MUSK: variants seen among roughly 807,000 people sequenced by gnomAD.
MUSK encodes muscle, skeletal receptor tyrosine-protein kinase.
MUSK carries 55 observed loss-of-function variants against 88.7 expected under a neutral mutation model. The ratio of observed to expected loss-of-function variants is 0.62; its 90% CI spans 0.50 to 0.78. The LOEUF is 0.78. Among genes scored for constraint, MUSK ranks in the 30% least tolerant of loss-of-function variants. The pLI is 0.00. For synonymous variants in MUSK, 387 were observed against 391.9 expected (o/e 0.99, Z 0.15); for missense variants, 1,015 against 1,074.3 (o/e 0.94, Z 0.77).
rs1051362388 is a variant in MUSK, at chr9:110,768,105, A to G, written c.1184+22A>G. The stretch of plus-strand genomic sequence containing the variant: ...GCAGGTAAAATCTCAAAAATAAGTC[A>G]AAGGAAAAATTCCATTTTTCTATCT... On this transcript the variant is annotated intron_variant, in intron 9 of 14. Coordinates refer to ENST00000374448, the MANE Select transcript of MUSK (RefSeq NM_005592.4). The G allele has an allele frequency of 4.4e-6, 7 of 1,576,204 alleles. No homozygotes were observed. The Admixed American group carries it at 7.5e-5, about 17-fold the overall frequency.
intron 5 of MUSK, among the ~76,000 whole-genome samples, chr9:110,708,090 T>TCCTA (rs1172486447): frequency 2.2e-5 from 3 of 135,736 alleles, no homozygotes; most frequent in Non-Finnish European, 3.2e-5. Flanking sequence ...AATAAATAAT[T>TCCTA]CCTATCTATC....
At chr9:110,705,569 T>C (rs2076588413) in intron 5 of MUSK, among the ~76,000 whole-genome samples, 1 of 152,216 alleles carries the variant, frequency 6.6e-6, no homozygotes, top group East Asian at 1.9e-4. Context: ...GTTTGCAGGA[T>C]CCAGCACAAA....
At chr9:110,678,534 C>A (rs1045536770) in intron 1 of MUSK, among the ~76,000 whole-genome samples, 1 of 151,976 alleles carries the variant, frequency 6.6e-6, no homozygotes, top group Non-Finnish European at 1.5e-5. Flanking sequence ...ATATTTTTTT[C>A]AGAAGTGTTC....
chr9:110,797,161 C>A (rs1388421579), intron 14 of MUSK, among the ~76,000 whole-genome samples: 6 of 42,508 alleles, frequency 1.4e-4, no homozygotes, highest in African/African-American at 3.3e-4. Flanking sequence ...GCATGAATAC[C>A]CAAAAAAAAA....
At chr9:110,688,284 C>T (rs943120116) in intron 3 of MUSK, among the ~76,000 whole-genome samples, 9 of 151,994 alleles carry the variant, frequency 5.9e-5, no homozygotes, top group African/African-American at 2.2e-4. Context: ...ATTTTAACAG[C>T]CATGAAATAG....
At chr9:110,790,205 G>T (rs2077949536) in intron 14 of MUSK, among the ~76,000 whole-genome samples, 1 of 152,206 alleles carries the variant, frequency 6.6e-6, no homozygotes, top group African/African-American at 2.4e-5. Context: ...AAGTGACCTT[G>T]AATTTGTAAA....
At chr9:110,675,162 G>A (rs1177101919) in intron 1 of MUSK, among the ~76,000 whole-genome samples, 1 of 151,094 alleles carries the variant, frequency 6.6e-6, no homozygotes, top group Non-Finnish European at 1.5e-5. Flanking sequence ...GACTTGCAGA[G>A]TCGGTAAGTG....
At position 110,754,325 on chromosome 9, in the gene MUSK, A is replaced by C. The variant is rs375140894; in HGVS notation, c.913+6525A>C. ...CCAATGTTTTTGCTGACTTCTAGAT[A>C]ATTTTAAAGATACTATAATATTGGT... On this transcript the variant is annotated intron_variant, in intron 7 of 14. Transcript: ENST00000374448. Among the ~76,000 whole-genome samples, 4 of 152,230 alleles carry C rather than the reference A, an allele frequency of 2.6e-5. No individual in the cohort carries two copies. In the East Asian group the frequency reaches 5.8e-4, roughly 22 times the overall value.
intron 5 of MUSK, among the ~76,000 whole-genome samples, chr9:110,729,326 T>TAAAAA (rs34882321): frequency 5.1e-5 from 5 of 97,406 alleles, no homozygotes; most frequent in Non-Finnish European, 6.3e-5. Context: ...CTGTTTTCTG[T>TAAAAA]AAAAAAAAAA....
At chr9:110,690,558 AAG>A (rs1216744575) in intron 3 of MUSK, among the ~76,000 whole-genome samples, 2 of 89,518 alleles carry the variant, frequency 2.2e-5, no homozygotes, top group Non-Finnish European at 3.8e-5. Context: ...ATTTAAATAT[AAG>A]TATATATATA....
intron 7 of MUSK, among the ~76,000 whole-genome samples, chr9:110,759,549 G>A (rs1310282403): frequency 6.6e-6 from 1 of 152,110 alleles, no homozygotes; most frequent in Non-Finnish European, 1.5e-5. Context: ...TTACAGAGTG[G>A]AGAAAATATT....
rs540918627 is a variant in MUSK at position 110,691,856 on chromosome 9, G to T, written c.359-3547G>T. Among the ~76,000 whole-genome samples the T allele has an allele frequency of 5.3e-5, 8 of 152,172 alleles. No individual in the cohort carries two copies. In the South Asian group the frequency reaches 1.0e-3, roughly 20 times the overall value. On this transcript the variant is annotated intron_variant, in intron 3 of 14. Coordinates refer to ENST00000374448, the MANE Select transcript of MUSK (RefSeq NM_005592.4). The stretch of plus-strand genomic sequence containing the variant: ...TAAAATATTTCCTGAATTTGTGCAC[G>T]ATTGGAAGTCTTCATTTTGCTCGCA...
At chr9:110,775,744 C>T (rs1230923413) in intron 9 of MUSK, 44 bp from the exon 10 acceptor site, 24 of 1,579,122 alleles carry the variant, frequency 1.5e-5, no homozygotes, top group Non-Finnish European at 1.8e-5. Flanking sequence ...TTTGCTTTAA[C>T]ATGTAATGAT....
At chr9:110,707,122 G>C (rs907333314) in intron 5 of MUSK, among the ~76,000 whole-genome samples, 2 of 152,124 alleles carry the variant, frequency 1.3e-5, no homozygotes, top group Non-Finnish European at 2.9e-5. Flanking sequence ...GGCCAAGGTA[G>C]GTGAACCTCT....
At chr9:110,734,221 C>T (rs774756641) in intron 5 of MUSK, 30 bp from the exon 6 acceptor site, 9 of 1,591,690 alleles carry the variant, frequency 5.7e-6, no homozygotes, top group Non-Finnish European at 6.0e-6. Context: ...CCTGCAGGAG[C>T]GTCACTCACC....
intron 7 of MUSK, among the ~76,000 whole-genome samples, chr9:110,755,971 T>TAAATTC: frequency 1.2e-5 from 1 of 84,010 alleles, no homozygotes; most frequent in East Asian, 2.8e-4. Flanking sequence ...TATACATATA[T>TAAATTC]ATATATACAT....
At chr9:110,782,845 A>G (rs1279259102) in intron 11 of MUSK, among the ~76,000 whole-genome samples, 1 of 152,174 alleles carries the variant, frequency 6.6e-6, no homozygotes, top group African/African-American at 2.4e-5. Context: ...CGGATGAGGC[A>G]TGCTGTCACT....
Position 110,761,598 on chromosome 9 carries a change from C to T in MUSK, c.914-604C>T, listed in dbSNP as rs7865908. On this transcript the variant is annotated intron_variant, in intron 7 of 14. Coordinates refer to ENST00000374448, the MANE Select transcript of MUSK (RefSeq NM_005592.4). ...TTTTTTTTTTTTTTTTTTTTTGAGA[C>T]GGAGTCTCGCTGTCGCCCAGGCTGG... is the stretch of plus-strand genomic sequence containing the variant. Among the ~76,000 whole-genome samples the T allele has an allele frequency of 0.047, 3,941 of 84,010 alleles. 296 individuals are homozygous for T. Among genetic ancestry groups the T allele is most frequent in the African/African-American group, 0.16 (3,749 of 22,794 alleles). 55.1% of individuals were successfully genotyped at this position (84,010 alleles called of 152,430 possible).
chr9:110,689,534 A>AATTTATAGTT (rs2076260586), intron 3 of MUSK, among the ~76,000 whole-genome samples: 1 of 102,206 alleles, frequency 9.8e-6, no homozygotes, highest in Non-Finnish European at 1.7e-5. Context: ...ACTATATATA[A>AATTTATAGTT]ATATATAGTT....
Sources: gnomAD v4.1 joint callset for allele counts (sites outside exome capture counted in the v4.1 genomes callset) on GRCh38, gnomAD v4.1.1 for gene constraint, MANE v1.5 for transcripts, NCBI Gene and HGNC (gene_info 2026-07-23, HGNC 2026-07-21) for gene names.